Variants in UBA6 observed in about 807,000 individuals in gnomAD.
The protein encoded by UBA6 is ubiquitin-like modifier-activating enzyme 6.
In UBA6, 87 loss-of-function variants were observed where a neutral mutation model predicts 148.3. The ratio of observed to expected loss-of-function variants is 0.59; its 90% confidence interval spans 0.49 to 0.70. The LOEUF is 0.70. UBA6 is among the 30% of genes least tolerant of loss of function. The probability of loss-of-function intolerance (pLI) is 0.00; values close to 1 mark genes in which losing one functional copy is unlikely to be tolerated. For synonymous variants in UBA6, 376 were observed against 401.0 expected (o/e 0.94, Z 0.75); for missense variants, 1,186 against 1,241.2 (o/e 0.96, Z 0.67).
At chr4:67,630,772 G>A (rs1728979526) in intron 25 of UBA6, among the ~76,000 whole-genome samples, 1 of 152,064 alleles carries the variant, frequency 6.6e-6, no homozygotes, top group Admixed American at 6.6e-5. Context: ...CATTCAGGTA[G>A]TGATCATGAC....
chr4:67,647,342 C>T (rs1021207174), intron 14 of UBA6, among the ~76,000 whole-genome samples: 4 of 151,992 alleles, frequency 2.6e-5, no homozygotes, highest in Non-Finnish European at 1.5e-5. Flanking sequence ...CATGGGGTTT[C>T]ACCATGTTGG....
chr4:67,653,049 C>A lies in UBA6; in HGVS notation c.1105-3838G>T, dbSNP rs1577811233. 2.6e-5 allele frequency among the ~76,000 whole-genome samples: 4 copies of A among 152,358 alleles called. No homozygotes were observed. The Middle Eastern group carries it at 0.014, about 518-fold the overall frequency. On this transcript the variant is annotated intron_variant, in intron 13 of 32. Transcript: ENST00000322244. ...AGCTTGAACTGAGTGGAGCCCACCC[C>A]AGCTCAGCAAGGCCTACTGCCTCTA...
At chr4:67,671,564 T>C (rs1024522092) in intron 7 of UBA6, among the ~76,000 whole-genome samples, 1 of 152,142 alleles carries the variant, frequency 6.6e-6, no homozygotes, top group Admixed American at 6.5e-5. Context: ...TGTAGTTATT[T>C]TGTAATACTG....
intron 27 of UBA6, among the ~76,000 whole-genome samples, chr4:67,627,524 C>T (rs553800498): frequency 6.6e-6 from 1 of 152,034 alleles, no homozygotes; most frequent in Admixed American, 6.6e-5. Flanking sequence ...AAAGTTAAAG[C>T]ATTTTTCCTT....
At chr4:67,619,220 G>C in intron 32 of UBA6, 88 bp from the exon 33 acceptor site, 1 of 953,340 alleles carries the variant, frequency 1.0e-6, no homozygotes, top group Non-Finnish European at 1.6e-6. Context: ...AGAGAACCTG[G>C]ACTTGTATCT....
chr4:67,630,596 T>A, intron 25 of UBA6, 61 bp from the exon 26 acceptor site: 1 of 1,051,376 alleles, frequency 9.5e-7, no homozygotes, highest in Non-Finnish European at 1.4e-6. Context: ...GATATTTAAC[T>A]CATTATGAAC....
chr4:67,670,716 A>G (rs965482692), intron 7 of UBA6, 124 bp from the exon 8 acceptor site: 8 of 728,560 alleles, frequency 1.1e-5, no homozygotes, highest in Admixed American at 5.4e-5. Context: ...TATAGAATAC[A>G]AAGTAAATCA....
At chr4:67,686,742 A>G (rs1730574091) in intron 2 of UBA6, among the ~76,000 whole-genome samples, 1 of 151,808 alleles carries the variant, frequency 6.6e-6, no homozygotes. Flanking sequence ...ACTTGAGACC[A>G]GGAGTTTGAG....
chr4:67,628,295 T>C (rs546108114), intron 27 of UBA6, among the ~76,000 whole-genome samples: 1 of 151,916 alleles, frequency 6.6e-6, no homozygotes, highest in Non-Finnish European at 1.5e-5. Context: ...TCTTTCTTTA[T>C]CATAGCCCCA....
At chr4:67,636,989 C>T (rs184382523) in intron 19 of UBA6, among the ~76,000 whole-genome samples, 24 of 151,374 alleles carry the variant, frequency 1.6e-4, no homozygotes, top group Non-Finnish European at 2.5e-4. Context: ...ATGTGGGGAG[C>T]GCCTCTGCCC....
chr4:67,623,541 C>T (rs538381041), intron 30 of UBA6, among the ~76,000 whole-genome samples: 210 of 152,210 alleles, frequency 1.4e-3, no homozygotes, highest in Non-Finnish European at 2.5e-3. Flanking sequence ...TACCCCATTA[C>T]TGGACACTTC....
chr4:67,663,801 TA>T (rs758807375), intron 11 of UBA6, 83 bp downstream of exon 11: 2 of 1,165,214 alleles, frequency 1.7e-6, no homozygotes, highest in African/African-American at 3.0e-5. Flanking sequence ...CCTACATGGT[TA>T]TTCCATTTTA....
chr4:67,650,404 T>C (rs2109921065), intron 13 of UBA6, among the ~76,000 whole-genome samples: 1 of 152,256 alleles, frequency 6.6e-6, no homozygotes, highest in South Asian at 2.1e-4. Flanking sequence ...CATTAGGTTA[T>C]GCAACCTCCC....
Position 67,623,150 on chromosome 4 carries a change from G to A in UBA6, c.2913C>T (p.Phe971=). The change falls in exon 31 of 33, where the codon TTC becomes TTT. Residue 971 remains phenylalanine (F), a synonymous_variant. Transcript: ENST00000322244. ...AGTATCTCACTTTGACTGCATTTATGAAATCCAAGAGGGTGAAATCTTCTT... is the reference window on the plus strand; with the variant it reads ...AGTATCTCACTTTGACTGCATTTATAAAATCCAAGAGGGTGAAATCTTCTT... ...HGKEDFTLLD[F]INAVKEKYGI... 1.2e-6 allele frequency: 2 copies of A among 1,611,716 alleles called. No individual in the cohort carries two copies. Among genetic ancestry groups the A allele is most frequent in the Non-Finnish European group, 1.7e-6 (2 of 1,178,444 alleles).
chr4:67,688,519 C>CA (rs1240493492), intron 2 of UBA6, among the ~76,000 whole-genome samples: 3 of 151,760 alleles, frequency 2.0e-5, no homozygotes, highest in Non-Finnish European at 2.9e-5. Context: ...AGAGGCAGTC[C>CA]AAAATAAAAC....
chr4:67,625,346 G>T (rs1728841952), intron 28 of UBA6, among the ~76,000 whole-genome samples, 159 bp from the exon 29 acceptor site: 1 of 150,294 alleles, frequency 6.7e-6, no homozygotes, highest in Admixed American at 6.6e-5. Flanking sequence ...GTTATTGAAG[G>T]CCACAAAAAC....
At chr4:67,619,572 A>C (rs1728705808) in intron 32 of UBA6, among the ~76,000 whole-genome samples, 1 of 152,218 alleles carries the variant, frequency 6.6e-6, no homozygotes, top group Non-Finnish European at 1.5e-5. Flanking sequence ...GCTACTCGGG[A>C]GGCTGAGGCA....
chr4:67,673,067 T>C (rs1730188209), intron 7 of UBA6, among the ~76,000 whole-genome samples: 1 of 152,224 alleles, frequency 6.6e-6, no homozygotes, highest in Non-Finnish European at 1.5e-5. Flanking sequence ...CACTAATGTA[T>C]TTCTAGTGGC....
rs530764131 is a variant in UBA6, at chr4:67,631,548, G to A, written c.2258+160C>T. Among the ~76,000 whole-genome samples the A allele has an allele frequency of 6.6e-6, 1 of 152,246 alleles. No homozygotes were observed. Among genetic ancestry groups the A allele is most frequent in the South Asian group, 2.1e-4 (1 of 4,824 alleles). ...ATTTGTGTGGGAAGGGTTGTGGCTG[G>A]CTTTCTTGGTCAGAATGACTTGTTA... On this transcript the variant is annotated intron_variant, in intron 25 of 32. Coordinates refer to ENST00000322244, the MANE Select transcript of UBA6 (RefSeq NM_018227.6).
Sources: gnomAD v4.1 joint callset for allele counts (sites outside exome capture counted in the v4.1 genomes callset) on GRCh38, gnomAD v4.1.1 for gene constraint, MANE v1.5 for transcripts, NCBI Gene and HGNC (gene_info 2026-07-23, HGNC 2026-07-21) for gene names.